KCNJ6: variants seen among roughly 807,000 people sequenced by gnomAD.
KCNJ6 encodes the protein G protein-activated inward rectifier potassium channel 2.
A neutral mutation model predicts 34.2 loss-of-function variants in KCNJ6; 9 were observed. That is an observed-to-expected ratio of 0.26 (90% CI 0.16 to 0.46). The LOEUF is 0.46. Among genes scored for constraint, KCNJ6 ranks in the 20% least tolerant of loss-of-function variants. The pLI is 1.00. For missense variants in KCNJ6, 236 were observed against 531.3 expected (o/e 0.44, Z 5.46); for synonymous variants, 196 against 207.1 (o/e 0.95, Z 0.46).
intron 3 of KCNJ6, among the ~76,000 whole-genome samples, chr21:37,683,964 C>A (rs979730630): frequency 6.6e-6 from 1 of 152,230 alleles, no homozygotes; most frequent in African/African-American, 2.4e-5. Flanking sequence ...TTTGGTGAGC[C>A]TGCCCTAAAC....
intron 2 of KCNJ6, among the ~76,000 whole-genome samples, chr21:37,735,502 C>T (rs2123471580): frequency 6.6e-6 from 1 of 152,306 alleles, no homozygotes; most frequent in Admixed American, 6.5e-5. Context: ...CTCCTCCAGC[C>T]CTTCTCACTG....
At chr21:37,785,918 A>G (rs2123517090) in intron 2 of KCNJ6, among the ~76,000 whole-genome samples, 1 of 152,364 alleles carries the variant, frequency 6.6e-6, no homozygotes, top group Admixed American at 6.5e-5. Context: ...CACAGTGGGA[A>G]GATGCTATCT....
At chr21:37,820,544 AT>A (rs2055368828) in intron 2 of KCNJ6, among the ~76,000 whole-genome samples, 1 of 152,094 alleles carries the variant, frequency 6.6e-6, no homozygotes, top group African/African-American at 2.4e-5. Flanking sequence ...CACATCGGGG[AT>A]CCTAGGCTAT....
chr21:37,717,729 T>C (rs1433940920), intron 2 of KCNJ6, among the ~76,000 whole-genome samples: 1 of 152,358 alleles, frequency 6.6e-6, no homozygotes, highest in South Asian at 2.1e-4. Flanking sequence ...TCTTGACCGC[T>C]GGGAGGCTGC....
intron 1 of KCNJ6, among the ~76,000 whole-genome samples, chr21:37,846,025 GA>G (rs200901348): frequency 2.9e-4 from 44 of 150,232 alleles, no homozygotes; most frequent in African/African-American, 7.6e-4. Context: ...CACAGATGCT[GA>G]AAAAAAAACA....
In KCNJ6 at chr21:37,610,761, T is replaced by C. The variant is rs565845456; in HGVS notation, c.*14398A>G. On this transcript the variant is annotated 3_prime_UTR_variant, in exon 4 of 4. Coordinates refer to ENST00000609713, the MANE Select transcript of KCNJ6 (RefSeq NM_002240.5). ...TAAATATCATGGGTCAAAGAAGAAATCTCAAGATAAGTGAAAAAATATTTT... is the reference window on the plus strand; with the variant it reads ...TAAATATCATGGGTCAAAGAAGAAACCTCAAGATAAGTGAAAAAATATTTT... The C allele has an allele frequency of 1.3e-5, 2 of 151,836 alleles. No homozygotes were observed. Among genetic ancestry groups the C allele is most frequent in the Non-Finnish European group, 2.9e-5 (2 of 67,958 alleles). 9.4% of individuals were successfully genotyped at this position (151,836 alleles called of 1,614,324 possible).
intron 1 of KCNJ6, among the ~76,000 whole-genome samples, chr21:37,854,790 A>C (rs1294695534): frequency 6.6e-6 from 1 of 152,264 alleles, no homozygotes; most frequent in African/African-American, 2.4e-5. Context: ...CAATACAATA[A>C]AGGTTTAATC....
At chr21:37,906,261 T>C (rs1023401705) in intron 1 of KCNJ6, among the ~76,000 whole-genome samples, 4 of 152,188 alleles carry the variant, frequency 2.6e-5, no homozygotes, top group Non-Finnish European at 2.9e-5. Context: ...TTGCTGTTTT[T>C]CCCCCCTAGA....
chr21:37,626,887 A>AT (rs1193776548), intron 3 of KCNJ6, among the ~76,000 whole-genome samples: 5 of 152,184 alleles, frequency 3.3e-5, no homozygotes, highest in Non-Finnish European at 5.9e-5. Context: ...AACTTAAAAC[A>AT]TTTTTTTAAT....
At chr21:37,807,493 C>T (rs1021436469) in intron 2 of KCNJ6, among the ~76,000 whole-genome samples, 4 of 152,190 alleles carry the variant, frequency 2.6e-5, no homozygotes, top group African/African-American at 7.2e-5. Flanking sequence ...CTGTCATTGA[C>T]GATGGACGAC....
chr21:37,617,010 C>CTTTCTTTCTTTCTTTCTTTCTTTCTT lies in KCNJ6; in HGVS notation c.*8148_*8149insAAGAAAGAAAGAAAGAAAGAAAGAAA, dbSNP rs201757181. 2 of 68,058 alleles carry CTTTCTTTCTTTCTTTCTTTCTTTCTT rather than the reference C, an allele frequency of 2.9e-5. No individual in the cohort carries two copies. Among genetic ancestry groups the CTTTCTTTCTTTCTTTCTTTCTTTCTT allele is most frequent in the African/African-American group, 1.0e-4 (2 of 19,846 alleles). 4.2% of individuals were successfully genotyped at this position (68,058 alleles called of 1,614,324 possible). A position where few individuals can be genotyped will look rare whatever the true frequency, so the allele number is the denominator to read the frequency against. On this transcript the variant is annotated 3_prime_UTR_variant, in exon 4 of 4. Coordinates refer to ENST00000609713, the MANE Select transcript of KCNJ6 (RefSeq NM_002240.5). ...CTCTTTCTTTCTTTCTCTTTCTTTT[C>CTTTCTTTCTTTCTTTCTTTCTTTCTT]TCTTTCTTTCTTTCTTTCTTTCTTT...
rs144041388 is a variant in KCNJ6 at position 37,909,558 on chromosome 21, G to A, written c.-28+6326C>T. On this transcript the variant is annotated intron_variant, in intron 1 of 3. Coordinates refer to ENST00000609713, the MANE Select transcript of KCNJ6 (RefSeq NM_002240.5). ...TTTTTGTATTTTTAGTAGAGATGGG[G>A]TTTTGCCACTTTGGCCAGGCTGGTC... Among the ~76,000 whole-genome samples the A allele has an allele frequency of 3.0e-3, 456 of 152,176 alleles. 3 individuals are homozygous for A. Among genetic ancestry groups the A allele is most frequent in the African/African-American group, 0.011 (438 of 41,540 alleles).
At chr21:37,799,732 T>C (rs1045641841) in intron 2 of KCNJ6, among the ~76,000 whole-genome samples, 2 of 152,226 alleles carry the variant, frequency 1.3e-5, no homozygotes, top group Non-Finnish European at 2.9e-5. Context: ...ACATTTCTTA[T>C]ATGACATTTA....
At chr21:37,911,055 C>T (rs1278086665) in intron 1 of KCNJ6, among the ~76,000 whole-genome samples, 2 of 148,814 alleles carry the variant, frequency 1.3e-5, no homozygotes, top group Non-Finnish European at 3.0e-5. Flanking sequence ...GATGAGACCG[C>T]TCTTTGAGGA....
At chr21:37,897,212 A>G (rs1211914020) in intron 1 of KCNJ6, among the ~76,000 whole-genome samples, 2 of 152,120 alleles carry the variant, frequency 1.3e-5, no homozygotes, top group Non-Finnish European at 2.9e-5. Context: ...CCCCTCTCCT[A>G]TTACCTTACA....
chr21:37,859,525 AT>A (rs1568875114), intron 1 of KCNJ6, among the ~76,000 whole-genome samples: 4 of 116,370 alleles, frequency 3.4e-5, no homozygotes, highest in South Asian at 5.0e-4. Flanking sequence ...ATATATATAT[AT>A]ATATAAAATA....
chr21:37,886,492 T>C (rs1040364112), intron 1 of KCNJ6, among the ~76,000 whole-genome samples: 1 of 152,218 alleles, frequency 6.6e-6, no homozygotes, highest in African/African-American at 2.4e-5. Context: ...AAGAATCTCA[T>C]GTAATTAGAG....
chr21:37,654,662 G>A (rs1447050005), intron 3 of KCNJ6, among the ~76,000 whole-genome samples: 2 of 152,178 alleles, frequency 1.3e-5, no homozygotes, highest in Non-Finnish European at 2.9e-5. Context: ...GAAGCAGCAG[G>A]CAGGGGTGGT....
At chr21:37,664,903 C>T (rs1265377350) in intron 3 of KCNJ6, among the ~76,000 whole-genome samples, 1 of 149,268 alleles carries the variant, frequency 6.7e-6, no homozygotes, top group Non-Finnish European at 1.5e-5. Flanking sequence ...TCACACCATT[C>T]TCCTGCCTCA....
Sources: allele counts gnomAD v4.1 joint callset (sites outside exome capture counted in the v4.1 genomes callset), GRCh38; gene constraint gnomAD v4.1.1; transcripts MANE v1.5; gene names NCBI Gene and HGNC (gene_info 2026-07-23, HGNC 2026-07-21).